SUPT3H: variants seen among roughly 807,000 people sequenced by gnomAD.
SUPT3H encodes SPT3 homolog, SAGA and STAGA complex component.
SUPT3H carries 44 observed loss-of-function variants against 44.3 expected under a neutral mutation model. The ratio of observed to expected loss-of-function variants is 0.99; its 90% CI spans 0.78 to 1.28. SUPT3H has a LOEUF of 1.28. SUPT3H is among the 50% of genes most tolerant of loss of function. The pLI is 0.00. For synonymous variants in SUPT3H, 124 were observed against 125.6 expected, an observed-to-expected ratio of 0.99 and a Z score of 0.09; for missense variants, 380 against 387.1, an observed-to-expected ratio of 0.98 and a Z score of 0.15.
intron 9 of SUPT3H, among the ~76,000 whole-genome samples, chr6:44,946,672 G>A (rs1415769663): frequency 4.6e-5 from 7 of 152,138 alleles, no homozygotes; most frequent in Non-Finnish European, 1.0e-4. Context: ...TGTTGCTTAT[G>A]GATGAGTCAA....
At chr6:45,000,726 G>C (rs948197875) in intron 6 of SUPT3H, among the ~76,000 whole-genome samples, 16 of 151,934 alleles carry the variant, frequency 1.1e-4, no homozygotes, top group African/African-American at 3.1e-4. Flanking sequence ...TTTCTCTCTA[G>C]ATTCCACTAT....
chr6:44,909,584 AG>A (rs1163021797), intron 10 of SUPT3H, among the ~76,000 whole-genome samples: 1 of 152,222 alleles, frequency 6.6e-6, no homozygotes, highest in African/African-American at 2.4e-5. Context: ...ATAGTTATCT[AG>A]AATTTTCCTA....
intron 2 of SUPT3H, among the ~76,000 whole-genome samples, chr6:45,322,664 T>A (rs1785686500): frequency 6.6e-6 from 1 of 152,270 alleles, no homozygotes; most frequent in Admixed American, 6.5e-5. Flanking sequence ...AAATCTGCGA[T>A]CGCCTTTACT....
chr6:44,917,076 C>A (rs915593169), intron 10 of SUPT3H, among the ~76,000 whole-genome samples: 1 of 152,024 alleles, frequency 6.6e-6, no homozygotes, highest in Non-Finnish European at 1.5e-5. Context: ...ATTGTTTGAG[C>A]CTGGGAGGTT....
At chr6:44,999,822 A>G (rs539038305) in intron 6 of SUPT3H, among the ~76,000 whole-genome samples, 2 of 152,136 alleles carry the variant, frequency 1.3e-5, no homozygotes, top group South Asian at 4.1e-4. Flanking sequence ...CTATAGGTGT[A>G]TCTTTTAGTA....
At chr6:45,175,974 A>T (rs1265294563) in intron 2 of SUPT3H, among the ~76,000 whole-genome samples, 4 of 152,166 alleles carry the variant, frequency 2.6e-5, no homozygotes. Context: ...TATCTCCAAT[A>T]TAACTGAATT....
intron 10 of SUPT3H, among the ~76,000 whole-genome samples, chr6:44,864,689 G>C (rs1490580898): frequency 6.6e-6 from 1 of 152,150 alleles, no homozygotes; most frequent in Non-Finnish European, 1.5e-5. Context: ...GGAGTGACTG[G>C]GACACAGGGC....
chr6:45,356,800 G>A (rs1793277487), intron 2 of SUPT3H, among the ~76,000 whole-genome samples: 1 of 152,078 alleles, frequency 6.6e-6, no homozygotes, highest in South Asian at 2.1e-4. Context: ...ACTATCATGG[G>A]ACTTCAGAAC....
chr6:45,192,451 A>C (rs2153620161), intron 2 of SUPT3H, among the ~76,000 whole-genome samples: 1 of 152,306 alleles, frequency 6.6e-6, no homozygotes, highest in South Asian at 2.1e-4. Flanking sequence ...ATTACTTCAA[A>C]AAAATACATT....
chr6:44,994,543 C>T (rs1210184152), intron 6 of SUPT3H, among the ~76,000 whole-genome samples: 1 of 152,132 alleles, frequency 6.6e-6, no homozygotes, highest in Non-Finnish European at 1.5e-5. Flanking sequence ...GTACACTCAA[C>T]TTCAGGGATG....
chr6:44,932,604 AT>A, intron 10 of SUPT3H, 48 bp downstream of exon 10: 1 of 1,347,158 alleles, frequency 7.4e-7, no homozygotes, highest in Non-Finnish European at 1.0e-6. Flanking sequence ...GAAAATCAAA[AT>A]TCTTTCATAT....
intron 2 of SUPT3H, among the ~76,000 whole-genome samples, chr6:45,138,076 T>C (rs557706128): frequency 3.3e-5 from 5 of 152,098 alleles, no homozygotes; most frequent in African/African-American, 1.2e-4. Context: ...AAAGAAGATA[T>C]ACAAATGGAC....
At chr6:45,140,349 G>A (rs1236305332) in intron 2 of SUPT3H, among the ~76,000 whole-genome samples, 1 of 152,012 alleles carries the variant, frequency 6.6e-6, no homozygotes, top group Admixed American at 6.6e-5. Flanking sequence ...CACCTGAGAA[G>A]CCAGAATACT....
rs949206332 is a variant in SUPT3H at position 44,990,302 on chromosome 6, G to T, written c.504+13351C>A. Among the ~76,000 whole-genome samples the T allele has an allele frequency of 8.6e-5, 13 of 151,954 alleles. 1 individual carries two copies. The highest frequency in any genetic ancestry group is 1.5e-5 in the Non-Finnish European group (1 of 67,970). On this transcript the variant is annotated intron_variant, in intron 6 of 10. Coordinates refer to ENST00000371459, the MANE Select transcript of SUPT3H (RefSeq NM_003599.4). ...AGATTAGTTGACCACATGCGTGTAGGTTTATTTCTGGGCTTTCTGTTCCAT... is the reference window on the plus strand; with the variant it reads ...AGATTAGTTGACCACATGCGTGTAGTTTTATTTCTGGGCTTTCTGTTCCAT...
intron 3 of SUPT3H, among the ~76,000 whole-genome samples, chr6:45,044,415 T>C (rs978637802): frequency 3.3e-5 from 5 of 152,136 alleles, no homozygotes; most frequent in African/African-American, 4.8e-5. Flanking sequence ...TCTACAGCAC[T>C]AGGGAATAGG....
At chr6:45,062,654 G>C (rs7764226) in intron 3 of SUPT3H, among the ~76,000 whole-genome samples, 2 of 151,946 alleles carry the variant, frequency 1.3e-5, no homozygotes, top group African/African-American at 4.8e-5. Context: ...CCTGGGAAGC[G>C]CGAGGGGTCA....
At chr6:44,983,968 A>C (rs1779436685) in intron 6 of SUPT3H, among the ~76,000 whole-genome samples, 1 of 152,182 alleles carries the variant, frequency 6.6e-6, no homozygotes, top group Non-Finnish European at 1.5e-5. Flanking sequence ...GTCATTTTTG[A>C]AATAAAATAC....
At chr6:44,852,756 C>A (rs942408712) in intron 10 of SUPT3H, among the ~76,000 whole-genome samples, 12 of 152,144 alleles carry the variant, frequency 7.9e-5, no homozygotes, top group Non-Finnish European at 1.8e-4. Context: ...TATCAGCATA[C>A]AAAAGGTCTT....
At chr6:45,154,969 G>C (rs946490540) in intron 2 of SUPT3H, among the ~76,000 whole-genome samples, 6 of 152,060 alleles carry the variant, frequency 3.9e-5, no homozygotes, top group Non-Finnish European at 8.8e-5. Flanking sequence ...CTTCCGTGGA[G>C]AAGGTAGTGT....
Sources: gnomAD v4.1 joint callset for allele counts (sites outside exome capture counted in the v4.1 genomes callset) on GRCh38, gnomAD v4.1.1 for gene constraint, MANE v1.5 for transcripts, NCBI Gene and HGNC (gene_info 2026-07-23, HGNC 2026-07-21) for gene names.